The following TOPAZ1 variants were observed in gnomAD, a reference collection of about 807,000 sequenced individuals.
TOPAZ1 encodes testis and ovary specific TOPAZ 1.
A neutral mutation model predicts 172.2 loss-of-function variants in TOPAZ1; 66 were observed. The ratio of observed to expected loss-of-function variants is 0.38; its 90% confidence interval spans 0.31 to 0.47. TOPAZ1 has a LOEUF of 0.47. Ranked by LOEUF, TOPAZ1 falls within the 20% of genes least tolerant of loss-of-function variation. The probability of loss-of-function intolerance (pLI) is 0.99; values close to 1 mark genes in which losing one functional copy is unlikely to be tolerated. For synonymous variants in TOPAZ1, 681 were observed against 683.9 expected (o/e 1.00, Z 0.07); for missense variants, 1,822 against 1,972.4 (o/e 0.92, Z 1.44).
At chr3:44,291,417 A>G (rs528001374) in intron 12 of TOPAZ1, among the ~76,000 whole-genome samples, 7 of 152,020 alleles carry the variant, frequency 4.6e-5, no homozygotes, top group African/African-American at 1.2e-4. Context: ...CCTGACCAAC[A>G]TGGTGAAACC....
At chr3:44,315,875 C>A (rs1164874296) in intron 16 of TOPAZ1, among the ~76,000 whole-genome samples, 1 of 152,128 alleles carries the variant, frequency 6.6e-6, no homozygotes, top group East Asian at 1.9e-4. Context: ...TTAATTATTT[C>A]TAAAATACTT....
intron 12 of TOPAZ1, among the ~76,000 whole-genome samples, chr3:44,300,775 G>C (rs1302231995): frequency 6.7e-6 from 1 of 148,444 alleles, no homozygotes; most frequent in African/African-American, 2.5e-5. Context: ...TTATCCTAGA[G>C]AAATGAAAAC....
In TOPAZ1 at chr3:44,295,199, T is replaced by C. The variant is rs532233166; in HGVS notation, c.3797+4313T>C. Among the ~76,000 whole-genome samples the C allele has an allele frequency of 3.3e-5, 5 of 152,298 alleles. No homozygotes were observed. In the South Asian group the frequency reaches 1.0e-3, roughly 32 times the overall value. Reference sequence around the variant, plus strand: ...TTACCTTTTGACTCAGCAATCCCAATTCTACAAATGTACCCTGAAAACACA... The same window carrying C: ...TTACCTTTTGACTCAGCAATCCCAACTCTACAAATGTACCCTGAAAACACA... On this transcript the variant is annotated intron_variant, in intron 12 of 19. Coordinates refer to ENST00000309765, the MANE Select transcript of TOPAZ1 (RefSeq NM_001145030.2).
chr3:44,309,885 C>T lies in TOPAZ1; in HGVS notation c.4201C>T (p.Leu1401Phe). 1 of 1,549,314 alleles carries T rather than the reference C, an allele frequency of 6.5e-7. No homozygotes were observed. Among genetic ancestry groups the T allele is most frequent in the Non-Finnish European group, 8.7e-7 (1 of 1,145,050 alleles). ...LKIHFTSLKG[L>F]IGPEKLASRC... ...AATACACTTTACAAGTTTAAAAGGA[C>T]TTATAGGGCCTGAGAAGTTAGCATC... The change falls in exon 16 of 20, where the codon CTT becomes TTT. Residue 1401 changes from leucine (L) to phenylalanine (F), a missense_variant. Leu to Phe is a conservative substitution (Grantham distance 22). This residue lies in a region of TOPAZ1 where 333 missense variants were observed against 481.7 expected (regional missense o/e 0.69). Transcript: ENST00000309765.
At chr3:44,333,779 G>A (rs1446962436), downstream of TOPAZ1, among the ~76,000 whole-genome samples, 6 of 152,134 alleles carry the variant, frequency 3.9e-5, no homozygotes, top group East Asian at 3.8e-4. Flanking sequence ...GTTGGCTCTC[G>A]GGTAGTAAGA....
intron 5 of TOPAZ1, among the ~76,000 whole-genome samples, chr3:44,264,944 C>T (rs1344593866): frequency 6.6e-6 from 1 of 152,200 alleles, no homozygotes; most frequent in Admixed American, 6.5e-5. Flanking sequence ...AGTTTTCTTG[C>T]TATGTCCTCC....
At chr3:44,257,408 TCTA>T (rs1331106503) in intron 4 of TOPAZ1, among the ~76,000 whole-genome samples, 1,632 of 112,014 alleles carry the variant, frequency 0.015, 13 homozygotes, top group African/African-American at 0.022. Context: ...TGTGTGTGTG[TCTA>T]TTTTATATAT....
intron 8 of TOPAZ1, 96 bp downstream of exon 8, chr3:44,270,906 A>C: frequency 1.7e-6 from 2 of 1,173,606 alleles, no homozygotes. Context: ...AATAGCATAG[A>C]TGTGAGTTTT....
chr3:44,308,031 T>A (rs569142741), intron 15 of TOPAZ1, among the ~76,000 whole-genome samples: 19 of 152,150 alleles, frequency 1.2e-4, no homozygotes, highest in Non-Finnish European at 2.1e-4. Flanking sequence ...CCCAGTACTT[T>A]GGGAGGCTGA....
chr3:44,307,957 T>C (rs550449072), intron 15 of TOPAZ1, among the ~76,000 whole-genome samples: 12 of 152,184 alleles, frequency 7.9e-5, no homozygotes, highest in Non-Finnish European at 1.2e-4. Flanking sequence ...TTGAGGACTA[T>C]CTAACAAGAA....
rs1699540111 is a variant in TOPAZ1, at chr3:44,244,722, T to C, written c.2216T>C (p.Met739Thr). The C allele has an allele frequency of 1.3e-6, 2 of 1,551,532 alleles. No homozygotes were observed. The highest frequency in any genetic ancestry group is 1.2e-5 in the South Asian group (1 of 84,046). The change falls in exon 2 of 20, where the codon ATG becomes ACG. Residue 739 changes from methionine to threonine, a missense_variant. Transcript: ENST00000309765. Reference sequence around the variant, plus strand: ...AGTAAAGAAAATGTCTCCATGATGATGTTAGGACCTCAAACTTTGAGCATA... The same window carrying C: ...AGTAAAGAAAATGTCTCCATGATGACGTTAGGACCTCAAACTTTGAGCATA... ...NRSKENVSMM[M>T]LGPQTLSIRN...
chr3:44,313,281 C>G (rs897572095), intron 16 of TOPAZ1, among the ~76,000 whole-genome samples: 1 of 152,050 alleles, frequency 6.6e-6, no homozygotes, highest in Admixed American at 6.6e-5. Flanking sequence ...CAAATTTTCC[C>G]TATTCAGATT....
Position 44,245,263 on chromosome 3 carries a change from T to A in TOPAZ1, c.2757T>A (p.Asp919Glu). 6.5e-7 allele frequency: 1 copy of A among 1,537,144 alleles called. No individual in the cohort carries two copies. Among genetic ancestry groups the A allele is most frequent in the East Asian group, 2.5e-5 (1 of 40,768 alleles). The change falls in exon 2 of 20, where the codon GAT becomes GAA. Residue 919 changes from aspartate (D) to glutamate (E), a missense_variant. By Grantham distance (45) the Asp-to-Glu change is conservative. This residue lies in a region of TOPAZ1 where 1,489 missense variants were observed against 1,490.8 expected (regional missense o/e 1.00). Transcript: ENST00000309765. ...METPVKKEPS[D>E]DLRELPVLDC... ...CTCCAGTAAAAAAAGAACCAAGTGA[T>A]GACTTAAGGTATGCATGTTCAAGTA...
chr3:44,290,666 A>G, intron 11 of TOPAZ1, 105 bp from the exon 12 acceptor site: 2 of 651,268 alleles, frequency 3.1e-6, no homozygotes, highest in Admixed American at 3.6e-5. Flanking sequence ...ACTTGTCTCC[A>G]TGTTTCACTT....
At chr3:44,248,836 A>G (rs1699596212) in intron 2 of TOPAZ1, among the ~76,000 whole-genome samples, 1 of 152,220 alleles carries the variant, frequency 6.6e-6, no homozygotes, top group Non-Finnish European at 1.5e-5. Context: ...CAAGTAGACA[A>G]ACTTGAGCTG....
At chr3:44,278,578 G>A (rs958656120) in intron 8 of TOPAZ1, among the ~76,000 whole-genome samples, 3 of 152,134 alleles carry the variant, frequency 2.0e-5, no homozygotes, top group African/African-American at 7.2e-5. Flanking sequence ...TAGGCTGTAT[G>A]TGTCCAGGAA....
intron 12 of TOPAZ1, among the ~76,000 whole-genome samples, chr3:44,294,726 G>A (rs998611883): frequency 6.6e-6 from 1 of 152,044 alleles, no homozygotes; most frequent in South Asian, 2.1e-4. Context: ...GTCTGGTCTC[G>A]AACTCCTGGG....
chr3:44,287,625 T>C (rs985285192), intron 10 of TOPAZ1, 85 bp downstream of exon 10: 8 of 1,144,666 alleles, frequency 7.0e-6, no homozygotes, highest in African/African-American at 3.2e-5. Flanking sequence ...GCAGTTGAAT[T>C]TCTGTATTTG....
intron 11 of TOPAZ1, among the ~76,000 whole-genome samples, chr3:44,289,038 A>G (rs1161557373): frequency 6.6e-6 from 1 of 152,238 alleles, no homozygotes; most frequent in Admixed American, 6.5e-5. Context: ...CTGAGAAAAG[A>G]TAATTAACAT....
Sources: allele counts gnomAD v4.1 joint callset (sites outside exome capture counted in the v4.1 genomes callset), GRCh38; gene constraint gnomAD v4.1.1; regional missense constraint gnomAD v4.1.1; transcripts MANE v1.5; gene names NCBI Gene and HGNC (gene_info 2026-07-23, HGNC 2026-07-21).